SLA: variants seen among roughly 807,000 people sequenced by gnomAD.
The protein encoded by SLA is src-like-adapter.
A neutral mutation model predicts 30.3 loss-of-function variants in SLA; 16 were observed. The observed-to-expected ratio is 0.53, with a 90% CI of 0.36 to 0.80. The LOEUF (loss-of-function observed/expected upper bound fraction) is 0.80, where lower values mean the gene tolerates loss of function less well. SLA is among the 30% of genes least tolerant of loss of function. The pLI, the probability that SLA is intolerant of heterozygous loss-of-function variation, is 0.01. For synonymous variants in SLA, 143 were observed against 137.8 expected (o/e 1.04, Z -0.26); for missense variants, 310 against 345.2 (o/e 0.90, Z 0.81).
At chr8:133,076,014 G>A (rs200142762) in intron 1 of SLA, 18 of 152,090 alleles carry the variant, frequency 1.2e-4, no homozygotes, top group Admixed American at 3.3e-4. Flanking sequence ...CTTACAGTAC[G>A]TGAGTCTCAA....
At position 133,075,147 on chromosome 8, in the gene SLA, G is replaced by A. The variant is rs1273978529; in HGVS notation, c.-318-17C>T. The A allele has an allele frequency of 1.1e-5, 11 of 984,694 alleles. No individual in the cohort carries two copies. The highest frequency in any genetic ancestry group is 1.3e-5 in the Non-Finnish European group (11 of 829,364). 61.0% of individuals were successfully genotyped at this position (984,694 alleles called of 1,614,324 possible). On this transcript the variant is annotated splice_polypyrimidine_tract_variant and intron_variant, in intron 1 of 8. Coordinates refer to ENST00000338087, the MANE Select transcript of SLA (RefSeq NM_001045556.3). ...CTGCAAGGACTGGGAAGATAGATGG[G>A]TTATTAATTTTTTTACAAAGCATTT...
intron 1 of SLA, among the ~76,000 whole-genome samples, chr8:133,100,712 C>A (rs1336590920): frequency 6.6e-6 from 1 of 152,226 alleles, no homozygotes; most frequent in Non-Finnish European, 1.5e-5. Flanking sequence ...AGCCTTCCAT[C>A]TACCATCAAC....
Position 133,050,006 on chromosome 8 carries a change from G to A in SLA, c.162-18C>T, listed in dbSNP as rs762741795. On this transcript the variant is annotated intron_variant, in intron 4 of 8. Transcript: ENST00000338087. ...CCCCTTCACTGTAAGAACAAGAACA[G>A]AGAAGAACACAGAGATAGGTAAATA... 17 of 1,554,014 alleles carry A rather than the reference G, an allele frequency of 1.1e-5. No homozygotes were observed. The South Asian group carries it at 1.8e-4, about 16-fold the overall frequency.
Position 133,102,547 on chromosome 8 carries a change from A to T in SLA, c.-319+6T>A, listed in dbSNP as rs1299251574. The T allele has an allele frequency of 1.3e-6, 2 of 1,551,482 alleles. No homozygotes were observed. Among genetic ancestry groups the T allele is most frequent in the African/African-American group, 2.7e-5 (2 of 73,056 alleles). ...GGTCCCAATGACAGCAAAGTTAGCA[A>T]CCTACCGGTGGAGCATCAGGGCTGC... is the stretch of plus-strand genomic sequence containing the variant. On this transcript the variant is annotated splice_donor_region_variant and intron_variant, in intron 1 of 8. Coordinates refer to ENST00000338087, the MANE Select transcript of SLA (RefSeq NM_001045556.3).
intron 2 of SLA, among the ~76,000 whole-genome samples, chr8:133,072,035 G>A (rs528550266): frequency 7.0e-4 from 106 of 152,266 alleles, no homozygotes; most frequent in African/African-American, 2.5e-3. Context: ...ACCGTCTGAG[G>A]TAGCTATTTT....
At chr8:133,097,763 T>C (rs1190492808) in intron 1 of SLA, among the ~76,000 whole-genome samples, 1 of 152,236 alleles carries the variant, frequency 6.6e-6, no homozygotes, top group African/African-American at 2.4e-5. Context: ...TTACTATTGC[T>C]GTATATATAT....
intron 1 of SLA, among the ~76,000 whole-genome samples, chr8:133,085,184 C>T (rs1021656817): frequency 6.6e-6 from 1 of 152,176 alleles, no homozygotes. Flanking sequence ...GGTATAATCT[C>T]TCTCTAGGAC....
intron 4 of SLA, chr8:133,050,614 C>A: frequency 3.9e-6 from 2 of 509,166 alleles, no homozygotes; most frequent in Non-Finnish European, 7.0e-6. Flanking sequence ...TTTGATCTAC[C>A]AGGCAGTGGG....
At position 133,095,168 on chromosome 8, in the gene SLA, G is replaced by C; in HGVS notation, c.-319+7385C>G. On this transcript the variant is annotated intron_variant, in intron 1 of 8. Coordinates refer to ENST00000338087, the MANE Select transcript of SLA (RefSeq NM_001045556.3). Reference sequence around the variant, plus strand: ...AGCCAAGAAGTGGTGTCCTGCCTCCGCCAGAAGCCTGCCAATGTCCTCAAT... The same window carrying C: ...AGCCAAGAAGTGGTGTCCTGCCTCCCCCAGAAGCCTGCCAATGTCCTCAAT... 1 of 1,614,182 alleles carries C rather than the reference G, an allele frequency of 6.2e-7. No individual in the cohort carries two copies. The highest frequency in any genetic ancestry group is 8.5e-7 in the Non-Finnish European group (1 of 1,180,028).
chr8:133,092,974 T>C (rs751079976), intron 1 of SLA, among the ~76,000 whole-genome samples: 4 of 152,190 alleles, frequency 2.6e-5, no homozygotes, highest in African/African-American at 7.2e-5. Context: ...CCTGGCTTTT[T>C]ATAGCCGAAG....
At chr8:133,057,293 G>C (rs1199688670) in intron 3 of SLA, among the ~76,000 whole-genome samples, 1 of 152,148 alleles carries the variant, frequency 6.6e-6, no homozygotes, top group Non-Finnish European at 1.5e-5. Flanking sequence ...CCTGACCACA[G>C]CGGGACTTCC....
intron 1 of SLA, among the ~76,000 whole-genome samples, chr8:133,097,344 A>G (rs777121934): frequency 7.9e-5 from 12 of 152,240 alleles, no homozygotes; most frequent in Non-Finnish European, 1.8e-4. Context: ...ATACAAGAGT[A>G]TTTATTGCAT....
chr8:133,084,473 C>T (rs776737283), intron 1 of SLA, among the ~76,000 whole-genome samples: 2 of 152,154 alleles, frequency 1.3e-5, no homozygotes, highest in Non-Finnish European at 2.9e-5. Context: ...GCCATTGCCT[C>T]GGCTATCACT....
At chr8:133,074,458 C>T (rs940283868) in intron 2 of SLA, among the ~76,000 whole-genome samples, 7 of 152,148 alleles carry the variant, frequency 4.6e-5, no homozygotes, top group Non-Finnish European at 8.8e-5. Flanking sequence ...CATTAGGTAC[C>T]ATCATTGTCA....
Position 133,038,439 on chromosome 8 carries a change from C to T in SLA, c.*85G>A. On this transcript the variant is annotated 3_prime_UTR_variant, in exon 9 of 9. Coordinates refer to ENST00000338087, the MANE Select transcript of SLA (RefSeq NM_001045556.3). The stretch of plus-strand genomic sequence containing the variant: ...TAAAATACGTGAGGCTCCCAGGGAT[C>T]AGGGAACCTCGCTTTTCGCAAGATC... The T allele has an allele frequency of 9.2e-7, 1 of 1,081,348 alleles. No homozygotes were observed. The highest frequency in any genetic ancestry group is 1.3e-5 in the South Asian group (1 of 75,858). The allele number at this position is 1,081,348 out of a possible 1,614,324, so 67.0% of individuals were successfully genotyped here.
At chr8:133,060,369 A>G in intron 2 of SLA, 169 bp from the exon 3 acceptor site, 1 of 1,533,708 alleles carries the variant, frequency 6.5e-7, no homozygotes, top group Non-Finnish European at 8.8e-7. Flanking sequence ...ACTTTTGCGC[A>G]GCTCAAGTTC....
At position 133,100,225 on chromosome 8, in the gene SLA, C is replaced by T. The variant is rs143188372; in HGVS notation, c.-319+2328G>A. 3.9e-5 allele frequency among the ~76,000 whole-genome samples: 6 copies of T among 152,300 alleles called. No individual in the cohort carries two copies. In the East Asian group the frequency reaches 1.2e-3, roughly 29 times the overall value. Reference sequence around the variant, plus strand: ...ATGTTCTTCCCAGACAACTCACTGCCTTACTCCCTTCAGGGTCTGCTTATC... The same window carrying T: ...ATGTTCTTCCCAGACAACTCACTGCTTTACTCCCTTCAGGGTCTGCTTATC... On this transcript the variant is annotated intron_variant, in intron 1 of 8. Transcript: ENST00000338087.
At chr8:133,052,159 G>T (rs1035230294) in intron 3 of SLA, among the ~76,000 whole-genome samples, 2 of 152,218 alleles carry the variant, frequency 1.3e-5, no homozygotes, top group Admixed American at 1.3e-4. Flanking sequence ...ATGTCTTGCA[G>T]CCTCCGAGTC....
chr8:133,092,284 A>C (rs984711418), intron 1 of SLA, among the ~76,000 whole-genome samples: 1 of 152,212 alleles, frequency 6.6e-6, no homozygotes, highest in Non-Finnish European at 1.5e-5. Flanking sequence ...AGGTCAAGGC[A>C]CCTTACCATG....
Sources: allele counts gnomAD v4.1 joint callset (sites outside exome capture counted in the v4.1 genomes callset), GRCh38; gene constraint gnomAD v4.1.1; transcripts MANE v1.5; gene names NCBI Gene and HGNC (gene_info 2026-07-23, HGNC 2026-07-21).